The following MEF2C variants were observed in gnomAD, a reference collection of about 807,000 sequenced individuals.
The protein encoded by MEF2C is myocyte enhancer factor 2C, also known as myocyte-specific enhancer factor 2C.
In MEF2C, 6 loss-of-function variants were observed where a neutral mutation model predicts 50.5. That is an observed-to-expected ratio of 0.12 (90% confidence interval 0.07 to 0.23). The LOEUF is 0.23. Ranked by LOEUF, MEF2C falls within the 10% of genes least tolerant of loss-of-function variation. The pLI, the probability that MEF2C is intolerant of heterozygous loss-of-function variation, is 1.00. For synonymous variants in MEF2C, 183 were observed against 228.0 expected, an observed-to-expected ratio of 0.80 and a Z score of 1.78; for missense variants, 276 against 605.0, an observed-to-expected ratio of 0.46 and a Z score of 5.70.
intron 2 of MEF2C, among the ~76,000 whole-genome samples, chr5:88,806,654 C>A (rs1054556568): frequency 6.6e-6 from 1 of 152,104 alleles, no homozygotes; most frequent in African/African-American, 2.4e-5. Flanking sequence ...TTTTACTTAT[C>A]ACCTTTTATT....
intron 3 of MEF2C, among the ~76,000 whole-genome samples, chr5:88,788,641 T>A (rs970285989): frequency 2.0e-5 from 3 of 152,218 alleles, no homozygotes; most frequent in Non-Finnish European, 4.4e-5. Context: ...GAAATGTGGA[T>A]AGTGAGACTG....
At chr5:88,734,560 A>AT (rs1228581437) in intron 6 of MEF2C, 12 of 535,570 alleles carry the variant, frequency 2.2e-5, no homozygotes, top group Admixed American at 1.1e-4. Flanking sequence ...CCTTGAGAAA[A>AT]GTTTGTTTTT....
intron 3 of MEF2C, among the ~76,000 whole-genome samples, chr5:88,794,217 C>T (rs1450267805): frequency 6.6e-6 from 1 of 152,180 alleles, no homozygotes; most frequent in African/African-American, 2.4e-5. Flanking sequence ...GAGGAATCGC[C>T]ACACTGTCTT....
chr5:88,758,589 C>G (rs1198846926), intron 4 of MEF2C, among the ~76,000 whole-genome samples: 1 of 152,190 alleles, frequency 6.6e-6, no homozygotes, highest in Non-Finnish European at 1.5e-5. Context: ...GAGACACTCT[C>G]TACATACAAA....
At chr5:88,825,517 A>G (rs1281600480) in intron 1 of MEF2C, 3 of 983,968 alleles carry the variant, frequency 3.0e-6, no homozygotes, top group African/African-American at 1.7e-5. Flanking sequence ...TCAAAATTCT[A>G]AAGAGTTATA....
chr5:88,727,220 ACT>A (rs1759242162), intron 10 of MEF2C, among the ~76,000 whole-genome samples: 1 of 152,066 alleles, frequency 6.6e-6, no homozygotes, highest in South Asian at 2.1e-4. Context: ...AAAAGATAAA[ACT>A]CTGCGCTGAT....
At chr5:88,748,998 T>A in intron 6 of MEF2C, 72 bp downstream of exon 6, 1 of 1,549,522 alleles carries the variant, frequency 6.5e-7, no homozygotes, top group Non-Finnish European at 8.7e-7. Context: ...TTCAAAAGAC[T>A]TTGTCCTGCA....
chr5:88,762,466 C>T (rs149403730), intron 3 of MEF2C, among the ~76,000 whole-genome samples: 2 of 152,146 alleles, frequency 1.3e-5, no homozygotes, highest in African/African-American at 2.4e-5. Context: ...ATGGGTTTCT[C>T]CATGTTGGCC....
At chr5:88,782,260 GA>G (rs1788461830) in intron 3 of MEF2C, 1 of 648,490 alleles carries the variant, frequency 1.5e-6, no homozygotes, top group Non-Finnish European at 1.9e-6. Context: ...TTGAGCCCAG[GA>G]ATTCGAACAG....
At chr5:88,734,561 G>GTTTGTTTTTT (rs1763092565) in intron 6 of MEF2C, 26 of 254,402 alleles carry the variant, frequency 1.0e-4, no homozygotes, top group Middle Eastern at 2.2e-3. Flanking sequence ...CTTGAGAAAA[G>GTTTGTTTTTT]TTTGTTTTTT....
chr5:88,768,426 T>C (rs898299399), intron 3 of MEF2C, among the ~76,000 whole-genome samples: 4 of 152,198 alleles, frequency 2.6e-5, no homozygotes, highest in Admixed American at 6.5e-5. Flanking sequence ...TTGATACATA[T>C]TTACTAACTG....
intron 6 of MEF2C, chr5:88,735,921 C>G: frequency 1.0e-6 from 1 of 985,306 alleles, no homozygotes; most frequent in African/African-American, 1.7e-5. Flanking sequence ...GAGTTTTCTT[C>G]ACTTGTTTCT....
At chr5:88,895,569 T>C (rs1421082702) in intron 1 of MEF2C, among the ~76,000 whole-genome samples, 3 of 152,190 alleles carry the variant, frequency 2.0e-5, no homozygotes, top group Non-Finnish European at 4.4e-5. Flanking sequence ...AGTGAACTCC[T>C]CTTAAAACAG....
intron 1 of MEF2C, among the ~76,000 whole-genome samples, chr5:88,828,073 A>G (rs1279211832): frequency 2.0e-5 from 3 of 151,972 alleles, no homozygotes; most frequent in Non-Finnish European, 4.4e-5. Flanking sequence ...GGTTCTTTCT[A>G]ACATGGAAAT....
chr5:88,738,371 G>T, intron 6 of MEF2C: 1 of 985,194 alleles, frequency 1.0e-6, no homozygotes, highest in Non-Finnish European at 1.2e-6. Context: ...CCAGGCACTT[G>T]TAACTGCTAT....
chr5:88,764,586 G>A (rs992102075), intron 3 of MEF2C, among the ~76,000 whole-genome samples: 9 of 151,198 alleles, frequency 6.0e-5, no homozygotes, highest in Non-Finnish European at 1.2e-4. Context: ...GAGGCAGGCC[G>A]ATCACGAGGT....
At chr5:88,751,597 G>A (rs1048465437) in intron 5 of MEF2C, 1 of 918,372 alleles carries the variant, frequency 1.1e-6, no homozygotes, top group African/African-American at 1.8e-5. Context: ...CTGTTTGAGA[G>A]TATGTGGTTA....
At chr5:88,833,260 T>TA (rs1200156801) in intron 1 of MEF2C, among the ~76,000 whole-genome samples, 2 of 152,146 alleles carry the variant, frequency 1.3e-5, no homozygotes, top group Non-Finnish European at 2.9e-5. Context: ...GACTGACTTT[T>TA]AAAAATGTGT....
At chr5:88,879,836 A>T (rs1373306131) in intron 1 of MEF2C, among the ~76,000 whole-genome samples, 2 of 152,174 alleles carry the variant, frequency 1.3e-5, no homozygotes, top group Non-Finnish European at 2.9e-5. Flanking sequence ...TGCTTATCTA[A>T]GCAATCATTT....
Sources: allele counts gnomAD v4.1 joint callset (sites outside exome capture counted in the v4.1 genomes callset), GRCh38; gene constraint gnomAD v4.1.1; transcripts MANE v1.5; gene names NCBI Gene and HGNC (gene_info 2026-07-23, HGNC 2026-07-21).